SLC24A2: variants seen among roughly 807,000 people sequenced by gnomAD.
SLC24A2 encodes sodium/potassium/calcium exchanger 2.
In SLC24A2, 36 loss-of-function variants were observed where a neutral mutation model predicts 62.0. That is an observed-to-expected ratio of 0.58 (90% CI 0.44 to 0.77). SLC24A2 has a LOEUF of 0.77. Ranked by LOEUF, SLC24A2 falls within the 30% of genes least tolerant of loss-of-function variation. SLC24A2 has a pLI of 0.00. For synonymous variants in SLC24A2, 358 were observed against 294.0 expected (o/e 1.22, Z -2.23); for missense variants, 846 against 817.9 (o/e 1.03, Z -0.42).
At chr9:19,827,155 C>G in the SLC24A2 span, among the ~76,000 whole-genome samples, 2 of 152,136 alleles carry the variant, frequency 1.3e-5, no homozygotes, top group Non-Finnish European at 2.9e-5. Flanking sequence ...AACACACACA[C>G]AAGGCTGAGA....
At chr9:20,307,085 G>A in the SLC24A2 span, among the ~76,000 whole-genome samples, 1 of 152,074 alleles carries the variant, frequency 6.6e-6, no homozygotes, top group African/African-American at 2.4e-5. Flanking sequence ...ATCATCTTAT[G>A]TTTTGTTTAC....
chr9:19,964,967 C>G, the SLC24A2 span, among the ~76,000 whole-genome samples: 1 of 152,134 alleles, frequency 6.6e-6, no homozygotes, highest in South Asian at 2.1e-4. Context: ...ATTTTCTCTT[C>G]CTGTCTTCCC....
chr9:19,635,087 C>G (rs928842484), intron 2 of SLC24A2, among the ~76,000 whole-genome samples: 2 of 152,184 alleles, frequency 1.3e-5, no homozygotes, highest in Non-Finnish European at 2.9e-5. Flanking sequence ...CTACTGAAAA[C>G]AGATGTAGCC....
the SLC24A2 span, among the ~76,000 whole-genome samples, chr9:19,995,681 G>A: frequency 8.5e-5 from 13 of 152,312 alleles, no homozygotes; most frequent in African/African-American, 3.1e-4. Flanking sequence ...AATCTTTACT[G>A]TAGACATGAG....
At chr9:19,542,141 T>C (rs929661971) in intron 8 of SLC24A2, among the ~76,000 whole-genome samples, 10 of 152,224 alleles carry the variant, frequency 6.6e-5, no homozygotes, top group Admixed American at 2.6e-4. Context: ...GTACCTCAGA[T>C]GGAAATGCAG....
intron 2 of SLC24A2, among the ~76,000 whole-genome samples, chr9:19,641,574 G>A (rs1323952961): frequency 6.6e-6 from 1 of 151,168 alleles, no homozygotes; most frequent in Non-Finnish European, 1.5e-5. Context: ...GAGTGCAGTG[G>A]TGTGATCTTG....
chr9:20,183,190 A>T, the SLC24A2 span, among the ~76,000 whole-genome samples: 3 of 152,194 alleles, frequency 2.0e-5, no homozygotes, highest in African/African-American at 7.2e-5. Context: ...TTGTGTAAAC[A>T]TCCCAAAGAT....
chr9:19,663,029 G>T (rs755780462), intron 2 of SLC24A2, among the ~76,000 whole-genome samples: 1 of 152,180 alleles, frequency 6.6e-6, no homozygotes, highest in African/African-American at 2.4e-5. Context: ...AAAGAAAATA[G>T]GTTTCTGAGC....
chr9:19,853,394 A>G, the SLC24A2 span, among the ~76,000 whole-genome samples: 1 of 152,196 alleles, frequency 6.6e-6, no homozygotes, highest in Non-Finnish European at 1.5e-5. Flanking sequence ...CCGGTTTTCA[A>G]GGGCAATGCT....
At chr9:19,673,780 GA>G (rs1819487848) in intron 2 of SLC24A2, among the ~76,000 whole-genome samples, 1 of 152,262 alleles carries the variant, frequency 6.6e-6, no homozygotes, top group Admixed American at 6.5e-5. Flanking sequence ...TGAGTTTCCT[GA>G]AAACAGCAGA....
At chr9:19,521,290 CAAAA>C (rs1354390073) in intron 9 of SLC24A2, among the ~76,000 whole-genome samples, 1 of 152,114 alleles carries the variant, frequency 6.6e-6, no homozygotes, top group Non-Finnish European at 1.5e-5. Context: ...CAGATAATCT[CAAAA>C]AAGAGCTCTA....
chr9:19,582,803 C>T lies in SLC24A2; in HGVS notation c.1130-5781G>A, dbSNP rs183812720. ...GCATCATGAAGTTATCCTGGGCTCC[C>T]CTGTTTCTCTCACACCCCACATGCC... is the stretch of plus-strand genomic sequence containing the variant. On this transcript the variant is annotated intron_variant, in intron 5 of 10. Transcript: ENST00000341998. 3.3e-5 allele frequency among the ~76,000 whole-genome samples: 5 copies of T among 152,190 alleles called. No individual in the cohort carries two copies. The East Asian group carries it at 9.7e-4, about 29-fold the overall frequency.
chr9:19,742,289 G>T (rs1169112692), intron 2 of SLC24A2, among the ~76,000 whole-genome samples: 1 of 152,206 alleles, frequency 6.6e-6, no homozygotes. Context: ...GCTGTGGAAA[G>T]ATGGACAGGT....
the SLC24A2 span, among the ~76,000 whole-genome samples, chr9:20,068,057 C>A: frequency 2.2e-5 from 2 of 89,744 alleles, no homozygotes; most frequent in Admixed American, 1.3e-4. Flanking sequence ...TTTTTTGACT[C>A]TTTTTTTTTT....
the SLC24A2 span, among the ~76,000 whole-genome samples, chr9:19,887,429 G>A: frequency 6.6e-6 from 1 of 151,994 alleles, no homozygotes; most frequent in African/African-American, 2.4e-5. Context: ...ATATGCAAAT[G>A]GACAACAAAC....
chr9:20,235,389 C>T, the SLC24A2 span, among the ~76,000 whole-genome samples: 5 of 152,360 alleles, frequency 3.3e-5, no homozygotes, highest in South Asian at 2.1e-4. Context: ...TCGAACTTCC[C>T]GCCGCTTTGT....
chr9:19,909,267 G>A, the SLC24A2 span, among the ~76,000 whole-genome samples: 9 of 151,978 alleles, frequency 5.9e-5, no homozygotes, highest in Non-Finnish European at 1.0e-4. Flanking sequence ...TCACTCATAG[G>A]TGGGAATTGA....
chr9:19,996,080 G>A, the SLC24A2 span, among the ~76,000 whole-genome samples: 9 of 152,230 alleles, frequency 5.9e-5, no homozygotes, highest in African/African-American at 2.2e-4. Context: ...TAGCAAAGAT[G>A]CTTGTAACTG....
At chr9:20,101,745 GT>G in the SLC24A2 span, among the ~76,000 whole-genome samples, 5 of 151,740 alleles carry the variant, frequency 3.3e-5, no homozygotes, top group African/African-American at 9.7e-5. Context: ...TGAAAAAAAT[GT>G]TTTTTTTAAG....
Sources: allele counts gnomAD v4.1 joint callset (sites outside exome capture counted in the v4.1 genomes callset), GRCh38; gene constraint gnomAD v4.1.1; transcripts MANE v1.5; gene names NCBI Gene and HGNC (gene_info 2026-07-23, HGNC 2026-07-21).